EFL1: variants seen among roughly 807,000 people sequenced by gnomAD.
The protein encoded by EFL1 is elongation factor-like GTPase 1.
Under a neutral mutation model 126.7 loss-of-function variants are expected in EFL1, and 76 were observed. The ratio of observed to expected loss-of-function variants is 0.60; its 90% CI spans 0.50 to 0.73. The LOEUF (loss-of-function observed/expected upper bound fraction) is 0.73. Among genes scored for constraint, EFL1 ranks in the 30% least tolerant of loss-of-function variants. EFL1 has a pLI of 0.00. For synonymous variants in EFL1, 410 were observed against 448.4 expected, an observed-to-expected ratio of 0.91 and a Z score of 1.08; for missense variants, 1,128 against 1,343.2, an observed-to-expected ratio of 0.84 and a Z score of 2.50.
intron 14 of EFL1, 61 bp from the exon 15 acceptor site, chr15:82,214,916 T>C: frequency 6.5e-7 from 1 of 1,540,884 alleles, no homozygotes; most frequent in Non-Finnish European, 8.7e-7. Flanking sequence ...TAATTGGTAT[T>C]TGTAAAGTTA....
Position 82,152,130 on chromosome 15 carries a change from G to A in EFL1, c.2324C>T (p.Ser775Phe), listed in dbSNP as rs766239963. The A allele has an allele frequency of 1.2e-6, 2 of 1,613,994 alleles. No homozygotes were observed. Among genetic ancestry groups the A allele is most frequent in the Non-Finnish European group, 1.7e-6 (2 of 1,180,044 alleles). Reference sequence around the variant, plus strand: ...CAAAGAGGATGTCAACTGCTCCATAGAACGAATCAAATCACTATTTTCTTC... The same window carrying A: ...CAAAGAGGATGTCAACTGCTCCATAAAACGAATCAAATCACTATTTTCTTC... Reference protein sequence around the residue: ...ILEENSDLIRSMEQLTSSLNE... With the variant: ...ILEENSDLIRFMEQLTSSLNE... Residue 775 changes from serine (S) to phenylalanine (F), a missense_variant, in exon 18 of 20, where the codon TCT (serine) becomes TTT (phenylalanine). By Grantham distance (155) the Ser-to-Phe change is radical (BLOSUM62 -2). Coordinates refer to ENST00000268206, the MANE Select transcript of EFL1 (RefSeq NM_024580.6).
At chr15:82,221,604 G>A (rs1419024718) in intron 12 of EFL1, among the ~76,000 whole-genome samples, 3 of 152,106 alleles carry the variant, frequency 2.0e-5, no homozygotes, top group Non-Finnish European at 4.4e-5. Context: ...AGTTCCAAGA[G>A]TAGGCCCTTC....
chr15:82,207,024 C>T (rs1595982837), intron 15 of EFL1, among the ~76,000 whole-genome samples: 2 of 152,100 alleles, frequency 1.3e-5, no homozygotes, highest in East Asian at 1.9e-4. Context: ...ACTTGAAATA[C>T]ACTCACCTAA....
intron 15 of EFL1, among the ~76,000 whole-genome samples, chr15:82,205,859 T>C (rs2074519411): frequency 6.6e-6 from 1 of 152,232 alleles, no homozygotes; most frequent in Admixed American, 6.5e-5. Flanking sequence ...ATCTATGTGT[T>C]CAAAAGAACT....
intron 15 of EFL1, among the ~76,000 whole-genome samples, chr15:82,180,377 AAAAAAAC>A (rs2074239513): frequency 2.0e-5 from 3 of 146,660 alleles, no homozygotes; most frequent in African/African-American, 5.4e-5. Flanking sequence ...AAAAAACAAA[AAAAAAAC>A]AAACAAAAAA....
intron 19 of EFL1, among the ~76,000 whole-genome samples, chr15:82,135,417 C>T (rs532290617): frequency 6.6e-6 from 1 of 152,106 alleles, no homozygotes; most frequent in South Asian, 2.1e-4. Context: ...CCCTAAATAT[C>T]CGTTCTCTAC....
chr15:82,154,130 C>T (rs2073942540), intron 17 of EFL1, among the ~76,000 whole-genome samples: 1 of 152,156 alleles, frequency 6.6e-6, no homozygotes, highest in African/African-American at 2.4e-5. Flanking sequence ...AAAACCACTC[C>T]AAGCTGTGGA....
intron 15 of EFL1, among the ~76,000 whole-genome samples, chr15:82,213,443 A>T (rs547922204): frequency 2.0e-5 from 3 of 152,228 alleles, no homozygotes; most frequent in Non-Finnish European, 4.4e-5. Flanking sequence ...CTCCTTATAC[A>T]CCACTTAACC....
At chr15:82,154,044 CTA>C (rs1168248703) in intron 17 of EFL1, among the ~76,000 whole-genome samples, 1 of 152,170 alleles carries the variant, frequency 6.6e-6, no homozygotes, top group African/African-American at 2.4e-5. Flanking sequence ...GTCAAAAGAG[CTA>C]TGAGCCACTT....
chr15:82,172,034 G>C (rs2074141517), intron 15 of EFL1, among the ~76,000 whole-genome samples: 2 of 149,948 alleles, frequency 1.3e-5, no homozygotes, highest in African/African-American at 4.9e-5. Flanking sequence ...AATATAAATA[G>C]TCCAAGAAAA....
At chr15:82,172,967 G>A (rs932045881) in intron 15 of EFL1, among the ~76,000 whole-genome samples, 1 of 152,024 alleles carries the variant, frequency 6.6e-6, no homozygotes, top group Non-Finnish European at 1.5e-5. Flanking sequence ...TCATTCCTGG[G>A]TAGTAAAAGT....
chr15:82,203,540 A>T (rs139564442), intron 15 of EFL1, among the ~76,000 whole-genome samples: 2,717 of 152,034 alleles, frequency 0.018, 39 homozygotes, highest in Non-Finnish European at 0.027. Flanking sequence ...ACGCCCGGCA[A>T]ATTTTTGTAT....
chr15:82,151,518 C>T lies in EFL1; in HGVS notation c.2936G>A (p.Arg979His), dbSNP rs764747178. 6 of 1,613,872 alleles carry T rather than the reference C, an allele frequency of 3.7e-6. No homozygotes were observed. The highest frequency in any genetic ancestry group is 2.7e-5 in the African/African-American group (2 of 74,888). ...CRYALQVKPQRLMAAMYTCDI... is the reference protein window; with the variant it reads ...CRYALQVKPQHLMAAMYTCDI... ...ACATGTGTACATAGCTGCCATCAGG[C>T]GCTGAGGTTTCACTTGCAGTGCATA... Residue 979 changes from arginine (R) to histidine (H), a missense_variant, in exon 18 of 20, where the codon CGC becomes CAC. Arg to His is a conservative substitution (Grantham distance 29). Coordinates refer to ENST00000268206, the MANE Select transcript of EFL1 (RefSeq NM_024580.6).
intron 15 of EFL1, among the ~76,000 whole-genome samples, chr15:82,194,980 C>T (rs2074394720): frequency 6.6e-6 from 1 of 152,106 alleles, no homozygotes; most frequent in African/African-American, 2.4e-5. Flanking sequence ...TGACTTGTGA[C>T]CTTGGGAAAT....
At chr15:82,236,945 G>A (rs2074878882) in intron 7 of EFL1, among the ~76,000 whole-genome samples, 2 of 152,336 alleles carry the variant, frequency 1.3e-5, no homozygotes, top group East Asian at 3.9e-4. Flanking sequence ...TTTGAGACCA[G>A]CCTGGACAAC....
At chr15:82,225,878 C>T (rs565588501) in intron 11 of EFL1, among the ~76,000 whole-genome samples, 1 of 151,988 alleles carries the variant, frequency 6.6e-6, no homozygotes, top group Non-Finnish European at 1.5e-5. Context: ...GGTAAAAAAA[C>T]ATTGATTAAT....
intron 6 of EFL1, among the ~76,000 whole-genome samples, chr15:82,239,563 G>A (rs1278473515): frequency 6.6e-6 from 1 of 152,152 alleles, no homozygotes; most frequent in Non-Finnish European, 1.5e-5. Flanking sequence ...TTTCCACTGT[G>A]TTGAGGAAGA....
intron 17 of EFL1, among the ~76,000 whole-genome samples, chr15:82,155,053 C>T (rs548171252): frequency 6.6e-6 from 1 of 152,320 alleles, no homozygotes; most frequent in East Asian, 1.9e-4. Flanking sequence ...TTCTGTTCAA[C>T]ATTATATTGT....
At chr15:82,196,031 AAGAACACTTGAGGAGAAG>A (rs1252468699) in intron 15 of EFL1, among the ~76,000 whole-genome samples, 1 of 152,160 alleles carries the variant, frequency 6.6e-6, no homozygotes, top group Non-Finnish European at 1.5e-5. Flanking sequence ...TGAAGGGAGA[AAGAACACTTGAGGAGAAG>A]AGACAGCGTG....
Sources: allele counts gnomAD v4.1 joint callset (sites outside exome capture counted in the v4.1 genomes callset), GRCh38; gene constraint gnomAD v4.1.1; transcripts MANE v1.5; gene names NCBI Gene and HGNC (gene_info 2026-07-23, HGNC 2026-07-21).